The following PUM2 variants were observed in gnomAD, a reference collection of about 807,000 sequenced individuals.
PUM2 encodes pumilio RNA binding family member 2.
A neutral mutation model predicts 124.5 loss-of-function variants in PUM2; 57 were observed. The ratio of observed to expected loss-of-function variants is 0.46; its 90% CI spans 0.37 to 0.57. PUM2 has a LOEUF of 0.57. Among genes scored for constraint, PUM2 ranks in the 20% least tolerant of loss-of-function variants. The probability of loss-of-function intolerance (pLI) is 0.00; values close to 1 mark genes in which losing one functional copy is unlikely to be tolerated. For missense variants in PUM2, 1,065 were observed against 1,290.6 expected (o/e 0.83, Z 2.68); for synonymous variants, 460 against 446.1 (o/e 1.03, Z -0.39).
At chr2:20,320,455 G>A (rs374502875) in intron 2 of PUM2, among the ~76,000 whole-genome samples, 1 of 152,026 alleles carries the variant, frequency 6.6e-6, no homozygotes, top group African/African-American at 2.4e-5. Flanking sequence ...CAACAAACCA[G>A]GAGAGGCAGC....
intron 7 of PUM2, among the ~76,000 whole-genome samples, chr2:20,297,936 G>A (rs999744804): frequency 6.6e-5 from 10 of 152,124 alleles, no homozygotes; most frequent in African/African-American, 2.4e-4. Flanking sequence ...GTACTGTCTC[G>A]AGGTATGTTA....
intron 20 of PUM2, among the ~76,000 whole-genome samples, chr2:20,252,411 G>T (rs1663646092): frequency 6.6e-6 from 1 of 152,040 alleles, no homozygotes; most frequent in African/African-American, 2.4e-5. Context: ...TGTCTTGAAA[G>T]AAAAAGAAAG....
At chr2:20,285,038 T>C (rs1672406867) in intron 10 of PUM2, among the ~76,000 whole-genome samples, 1 of 152,252 alleles carries the variant, frequency 6.6e-6, no homozygotes, top group South Asian at 2.1e-4. Flanking sequence ...TGTCATTTAC[T>C]TAACATCTGA....
chr2:20,272,155 AAATGAATGAATG>A (rs60522777), intron 13 of PUM2, among the ~76,000 whole-genome samples: 10,952 of 148,234 alleles, frequency 0.074, 430 homozygotes, highest in Non-Finnish European at 0.089. Context: ...AGACTTCGTC[AAATGAATGAATG>A]AATGAATGAA....
Position 20,318,541 on chromosome 2 carries a change from A to C in PUM2, c.156T>G (p.Ala52=). The change falls in exon 3 of 21, where the codon GCT becomes GCG. Residue 52 remains alanine (A), a synonymous_variant. Coordinates refer to ENST00000361078, the MANE Select transcript of PUM2 (RefSeq NM_015317.5). ...DDEWRETAWG[A]SHHSMSQPIM... ...ACACATATACCAGTAACTTACGAGA[A>C]GCTCCCCATGCAGTCTCTCTCCATT... 1 of 1,606,694 alleles carries C rather than the reference A, an allele frequency of 6.2e-7. No individual in the cohort carries two copies. Among genetic ancestry groups the C allele is most frequent in the South Asian group, 1.1e-5 (1 of 90,498 alleles).
intron 1 of PUM2, among the ~76,000 whole-genome samples, chr2:20,345,000 A>AG (rs578067182): frequency 1.5e-4 from 22 of 148,980 alleles, no homozygotes; most frequent in African/African-American, 5.5e-4. Flanking sequence ...AAAAAAAAAA[A>AG]AAAAGAAAAG....
At position 20,267,151 on chromosome 2, in the gene PUM2, T is replaced by C. The variant is rs551514270; in HGVS notation, c.1958-3691A>G. Among the ~76,000 whole-genome samples, 13 of 151,868 alleles carry C rather than the reference T, an allele frequency of 8.6e-5. No individual in the cohort carries two copies. In the South Asian group the frequency reaches 2.5e-3, roughly 29 times the overall value. On this transcript the variant is annotated intron_variant, in intron 13 of 20. Transcript: ENST00000361078. ...GATTCTCCTGCCTCAGCCTCCCGAG[T>C]AGCTGGGATTACAGGTGCGTACCAC...
chr2:20,262,946 A>G (rs980592893), intron 14 of PUM2, among the ~76,000 whole-genome samples: 1 of 152,166 alleles, frequency 6.6e-6, no homozygotes, highest in African/African-American at 2.4e-5. Flanking sequence ...AATCCAATGG[A>G]GGGGGCCCTG....
intron 2 of PUM2, among the ~76,000 whole-genome samples, chr2:20,323,894 G>T (rs1478449039): frequency 1.0e-5 from 1 of 97,604 alleles, no homozygotes; most frequent in African/African-American, 4.1e-5. Context: ...TATTATTCTA[G>T]AGATACGGAC....
At chr2:20,300,039 ACT>A (rs1378827625) in intron 7 of PUM2, among the ~76,000 whole-genome samples, 16 of 152,210 alleles carry the variant, frequency 1.1e-4, no homozygotes, top group African/African-American at 2.6e-4. Context: ...GAGAGAATAG[ACT>A]CTGTTCCTTA....
Position 20,251,668 on chromosome 2 carries a change from T to G in PUM2, c.3112A>C (p.Ile1038Leu). 1.2e-6 allele frequency: 2 copies of G among 1,613,784 alleles called. No individual in the cohort carries two copies. Among genetic ancestry groups the G allele is most frequent in the Non-Finnish European group, 1.7e-6 (2 of 1,179,706 alleles). ...TLRKYTYGKH[I>L]LAKLEKYYLK... ...TAATACTTTTCCAACTTGGCCAGTA[T>G]ATGCTTCCCGTATGTGTATTTGCGC... is the stretch of plus-strand genomic sequence containing the variant. The change falls in exon 21 of 21, where the codon ATA becomes CTA. Residue 1038 changes from isoleucine to leucine, a missense_variant. Transcript: ENST00000361078.
At chr2:20,299,458 A>T (rs1385056998) in intron 7 of PUM2, among the ~76,000 whole-genome samples, 1 of 152,112 alleles carries the variant, frequency 6.6e-6, no homozygotes, top group Non-Finnish European at 1.5e-5. Flanking sequence ...TGAGGCCAGG[A>T]GTTCAAGACC....
In PUM2 at chr2:20,278,807, G is replaced by A; in HGVS notation, c.1733C>T (p.Ala578Val). ...SGFGSSVGSS[A>V]SSSATRRESL... ...CTCTCTCCTTGTGGCACTACTACTT[G>A]CAGAACTGCCAACTGAAGAAGAAAT... Residue 578 changes from alanine to valine, a missense_variant, in exon 13 of 21, where the codon GCA becomes GTA. Ala to Val is a moderately conservative substitution (Grantham distance 64). Transcript: ENST00000361078. 1 of 1,611,720 alleles carries A rather than the reference G, an allele frequency of 6.2e-7. No individual in the cohort carries two copies. The highest frequency in any genetic ancestry group is 8.5e-7 in the Non-Finnish European group (1 of 1,178,446).
chr2:20,278,893 G>A, intron 12 of PUM2, 74 bp from the exon 13 acceptor site: 3 of 1,062,120 alleles, frequency 2.8e-6, no homozygotes, highest in East Asian at 2.4e-5. Flanking sequence ...ACTCTCGCTG[G>A]GCAATAACAG....
intron 12 of PUM2, among the ~76,000 whole-genome samples, chr2:20,282,472 T>A (rs936579009): frequency 6.6e-5 from 10 of 152,224 alleles, no homozygotes; most frequent in Non-Finnish European, 1.3e-4. Context: ...CACATATGTA[T>A]TTTTTATATT....
At chr2:20,265,281 A>C (rs1325671280) in intron 13 of PUM2, among the ~76,000 whole-genome samples, 1 of 152,010 alleles carries the variant, frequency 6.6e-6, no homozygotes, top group African/African-American at 2.4e-5. Context: ...TAATTTAAGA[A>C]GCTATCTTAC....
At chr2:20,273,734 C>A (rs973181770) in intron 13 of PUM2, among the ~76,000 whole-genome samples, 1 of 152,092 alleles carries the variant, frequency 6.6e-6, no homozygotes, top group Non-Finnish European at 1.5e-5. Context: ...TGTTGAGAGT[C>A]GGGTGTGCTG....
At chr2:20,265,978 C>T (rs528849797) in intron 13 of PUM2, among the ~76,000 whole-genome samples, 1 of 152,260 alleles carries the variant, frequency 6.6e-6, no homozygotes, top group East Asian at 1.9e-4. Context: ...CAATAAGCAA[C>T]AGGAATTTCT....
At chr2:20,263,129 T>C (rs1240633321) in intron 14 of PUM2, 64 bp downstream of exon 14, 1 of 1,460,452 alleles carries the variant, frequency 6.8e-7, no homozygotes, top group East Asian at 2.3e-5. Context: ...CAGAAAAATT[T>C]AAGCTTTTAT....
Sources: allele counts gnomAD v4.1 joint callset (sites outside exome capture counted in the v4.1 genomes callset), GRCh38; gene constraint gnomAD v4.1.1; transcripts MANE v1.5; gene names NCBI Gene and HGNC (gene_info 2026-07-23, HGNC 2026-07-21).